The following IRAG1 variants were observed in gnomAD, a reference collection of about 807,000 sequenced individuals.
IRAG1 encodes the protein IP3R-associated cGMP kinase substrate.
Under a neutral mutation model 106.2 loss-of-function variants are expected in IRAG1, and 62 were observed. The ratio of observed to expected loss-of-function variants is 0.58; its 90% CI spans 0.48 to 0.72. The LOEUF (loss-of-function observed/expected upper bound fraction) is 0.72. IRAG1 is among the 30% of genes least tolerant of loss of function. IRAG1 has a pLI of 0.00. For synonymous variants in IRAG1, 462 were observed against 443.9 expected, an observed-to-expected ratio of 1.04 and a Z score of -0.51; for missense variants, 1,064 against 1,140.7, an observed-to-expected ratio of 0.93 and a Z score of 0.97.
chr11:10,679,528 C>A (rs556783277), intron 1 of IRAG1, among the ~76,000 whole-genome samples: 16 of 152,160 alleles, frequency 1.1e-4, no homozygotes, highest in Non-Finnish European at 2.2e-4. Context: ...AATGGGTGGC[C>A]AAACAGGGAT....
chr11:10,585,588 AG>A (rs1851876806), intron 18 of IRAG1, among the ~76,000 whole-genome samples: 1 of 152,082 alleles, frequency 6.6e-6, no homozygotes, highest in African/African-American at 2.4e-5. Flanking sequence ...GAGCCTGATA[AG>A]TAAGTTAACT....
At chr11:10,690,879 C>A (rs1403691067) in intron 1 of IRAG1, among the ~76,000 whole-genome samples, 1 of 152,208 alleles carries the variant, frequency 6.6e-6, no homozygotes, top group Non-Finnish European at 1.5e-5. Flanking sequence ...TACCTGAGAA[C>A]TCAGCTCTCC....
At chr11:10,627,611 G>A (rs1856350831) in intron 8 of IRAG1, 105 bp downstream of exon 8, 1 of 1,207,580 alleles carries the variant, frequency 8.3e-7, no homozygotes, top group Non-Finnish European at 1.2e-6. Context: ...ACTCATACGT[G>A]TGCATGCACA....
At chr11:10,640,253 T>C (rs1011499991) in intron 2 of IRAG1, among the ~76,000 whole-genome samples, 1 of 152,090 alleles carries the variant, frequency 6.6e-6, no homozygotes, top group Non-Finnish European at 1.5e-5. Context: ...GAGGTGCCCA[T>C]ACAAAAAGGC....
chr11:10,677,155 C>T (rs1860746494), intron 1 of IRAG1, among the ~76,000 whole-genome samples: 1 of 152,144 alleles, frequency 6.6e-6, no homozygotes, highest in South Asian at 2.1e-4. Context: ...CCATATTAAC[C>T]TCTTCCCCAC....
At chr11:10,595,725 A>C (rs1165802088) in intron 15 of IRAG1, 1 of 152,174 alleles carries the variant, frequency 6.6e-6, no homozygotes, top group Non-Finnish European at 1.5e-5. Flanking sequence ...TTTTAGGTTC[A>C]GGGTACATGT....
At chr11:10,639,599 C>G (rs371037213) in intron 2 of IRAG1, among the ~76,000 whole-genome samples, 17 of 152,264 alleles carry the variant, frequency 1.1e-4, no homozygotes, top group African/African-American at 4.1e-4. Flanking sequence ...CTCCTCTGCC[C>G]TTTTCTCTTT....
intron 1 of IRAG1, among the ~76,000 whole-genome samples, chr11:10,683,957 TTA>T (rs1861465007): frequency 6.6e-6 from 1 of 152,188 alleles, no homozygotes; most frequent in Non-Finnish European, 1.5e-5. Context: ...ATTTCTATTT[TTA>T]TGTTTTATAA....
intron 11 of IRAG1, among the ~76,000 whole-genome samples, chr11:10,608,823 T>A (rs979878699): frequency 6.6e-6 from 1 of 152,190 alleles, no homozygotes; most frequent in African/African-American, 2.4e-5. Context: ...AGCACAGAAG[T>A]TTTTATTTTG....
chr11:10,597,165 T>C (rs1395311447), intron 15 of IRAG1, among the ~76,000 whole-genome samples: 1 of 152,262 alleles, frequency 6.6e-6, no homozygotes, highest in African/African-American at 2.4e-5. Context: ...GAAGGAGATC[T>C]GGAATAATGA....
intron 1 of IRAG1, among the ~76,000 whole-genome samples, chr11:10,674,839 G>A (rs1388443486): frequency 2.0e-5 from 3 of 152,214 alleles, no homozygotes; most frequent in African/African-American, 7.2e-5. Context: ...TCTCTTGCCC[G>A]GGTCCCTCTT....
chr11:10,591,553 C>A lies in IRAG1; in HGVS notation c.2235G>T (p.Leu745Phe). 6.3e-7 allele frequency: 1 copy of A among 1,593,492 alleles called. No individual in the cohort carries two copies. The highest frequency in any genetic ancestry group is 8.5e-7 in the Non-Finnish European group (1 of 1,169,918). ...LPVTSALPAL[L>F]ENGKTNGDPD... is the part of the protein sequence containing the mutation. ...AGGAAAATCGACAAACTTACTTTTC[C>A]AAAAGTGCAGGCAGTGCTGAAGTGA... Residue 745 changes from leucine (L) to phenylalanine (F), a missense_variant, in exon 18 of 21, where the codon TTG becomes TTT. Leu to Phe is a conservative substitution (Grantham distance 22, BLOSUM62 0). Coordinates refer to ENST00000423302, the MANE Select transcript of IRAG1 (RefSeq NM_130385.4).
chr11:10,663,406 G>A (rs1198103468), intron 1 of IRAG1, among the ~76,000 whole-genome samples: 2 of 152,130 alleles, frequency 1.3e-5, no homozygotes, highest in Non-Finnish European at 2.9e-5. Flanking sequence ...ATATATGTAG[G>A]AACTGGTTTG....
intron 18 of IRAG1, among the ~76,000 whole-genome samples, chr11:10,585,058 G>A (rs1369588066): frequency 1.3e-5 from 2 of 152,106 alleles, no homozygotes; most frequent in Non-Finnish European, 2.9e-5. Flanking sequence ...ACTAATTTAA[G>A]GTATGGTAAA....
rs1487790056 is a variant in IRAG1 at position 10,609,821 on chromosome 11, T to G, written c.1478A>C (p.Glu493Ala). ...TAAGCCACTCTTTGACTCTTCTTCCTCAATAGCTGGGGAGAGTTCAGAAGG... is the reference window on the plus strand; with the variant it reads ...TAAGCCACTCTTTGACTCTTCTTCCGCAATAGCTGGGGAGAGTTCAGAAGG... ...GLPSELSPAI[E>A]EEESKSGLDV... Residue 493 changes from glutamate (E) to alanine (A), a missense_variant, in exon 11 of 21, where the codon GAG becomes GCG. Glu to Ala is a moderately radical substitution (Grantham distance 107, BLOSUM62 -1). Coordinates refer to ENST00000423302, the MANE Select transcript of IRAG1 (RefSeq NM_130385.4). 6.2e-7 allele frequency: 1 copy of G among 1,613,922 alleles called. No individual in the cohort carries two copies.
intron 11 of IRAG1, among the ~76,000 whole-genome samples, chr11:10,608,563 G>C (rs926986738): frequency 7.9e-5 from 12 of 152,118 alleles, no homozygotes; most frequent in African/African-American, 2.9e-4. Flanking sequence ...CTTACAAATG[G>C]GCATAGGTAC....
At chr11:10,619,478 TGA>T (rs1193450780) in intron 10 of IRAG1, among the ~76,000 whole-genome samples, 2,526 of 152,260 alleles carry the variant, frequency 0.017, 1 homozygote, top group African/African-American at 0.058. Context: ...CGGGGCTCTT[TGA>T]TGGGGCTTTC....
At chr11:10,648,572 T>G (rs1202548338) in intron 2 of IRAG1, among the ~76,000 whole-genome samples, 1 of 152,130 alleles carries the variant, frequency 6.6e-6, no homozygotes, top group African/African-American at 2.4e-5. Flanking sequence ...CATTCTGTGG[T>G]CCCCTCAGGT....
chr11:10,596,114 T>C (rs1189496907), intron 15 of IRAG1, among the ~76,000 whole-genome samples: 5 of 152,238 alleles, frequency 3.3e-5, no homozygotes, highest in Admixed American at 6.5e-5. Context: ...AGCATTTAGG[T>C]TGATTCCATG....
Sources: gnomAD v4.1 joint callset for allele counts (sites outside exome capture counted in the v4.1 genomes callset) on GRCh38, gnomAD v4.1.1 for gene constraint, MANE v1.5 for transcripts, NCBI Gene and HGNC (gene_info 2026-07-23, HGNC 2026-07-21) for gene names.